The following ZNF8 variants were observed in gnomAD, a reference collection of about 807,000 sequenced individuals.
ZNF8 encodes zinc finger protein 8, also known as zinc finger protein 272.
A neutral mutation model predicts 12.2 loss-of-function variants in ZNF8; 9 were observed. The observed-to-expected ratio is 0.73, with a 90% CI of 0.44 to 1.28. ZNF8 has a LOEUF of 1.28. Ranked by LOEUF, ZNF8 falls within the 50% of genes most tolerant of loss-of-function variation. The pLI is 0.00. For missense variants in ZNF8, 664 were observed against 729.1 expected (o/e 0.91, Z 1.03); for synonymous variants, 274 against 282.3 (o/e 0.97, Z 0.30).
At chr19:58,287,682 C>T (rs2051392310) in intron 3 of ZNF8, among the ~76,000 whole-genome samples, 1 of 123,638 alleles carries the variant, frequency 8.1e-6, no homozygotes, top group Non-Finnish European at 1.6e-5. Context: ...CACTCCGTTG[C>T]ACAGGCTGGA....
At chr19:58,292,460 A>G (rs2051425560) in intron 3 of ZNF8, among the ~76,000 whole-genome samples, 1 of 152,136 alleles carries the variant, frequency 6.6e-6, no homozygotes, top group South Asian at 2.1e-4. Flanking sequence ...TCATTCTTAA[A>G]GGCCCCACCC....
rs1373504005 is a variant in ZNF8 at position 58,298,089 on chromosome 19, G to C, written c.*2553G>C. ...CTGTCGCCCAGGCTGGAGTGCAATG[G>C]CGTGATCTCGGCTCACTGCAACCTC... On this transcript the variant is annotated 3_prime_UTR_variant, in exon 4 of 4. Transcript: ENST00000621650. The C allele has an allele frequency of 1.3e-5, 2 of 151,732 alleles. No homozygotes were observed. Among genetic ancestry groups the C allele is most frequent in the African/African-American group, 4.8e-5 (2 of 41,238 alleles). 9.4% of individuals were successfully genotyped at this position (151,732 alleles called of 1,614,324 possible).
At position 58,278,973 on chromosome 19, in the gene ZNF8, G is replaced by A. The variant is rs2051319591; in HGVS notation, c.-109G>A. Reference sequence around the variant, plus strand: ...GGGAGTTGTAGTCGCCGCGTCGCCGGTGCGGCCGCCATTGTCCGGCGTTCG... The same window carrying A: ...GGGAGTTGTAGTCGCCGCGTCGCCGATGCGGCCGCCATTGTCCGGCGTTCG... On this transcript the variant is annotated 5_prime_UTR_variant, in exon 1 of 4. In the 5' UTR this introduces an upstream ATG that the reference lacks. Coordinates refer to ENST00000621650, the MANE Select transcript of ZNF8 (RefSeq NM_021089.3). 3 of 1,291,724 alleles carry A rather than the reference G, an allele frequency of 2.3e-6. No individual in the cohort carries two copies. The highest frequency in any genetic ancestry group is 3.0e-6 in the Non-Finnish European group (3 of 995,480). The allele number at this position is 1,291,724 out of a possible 1,614,324, so 80.0% of individuals were successfully genotyped here.
In ZNF8 at chr19:58,295,865, A is replaced by ACGGCGTCCACC; in HGVS notation, c.*329_*330insCGGCGTCCACC. On this transcript the variant is annotated 3_prime_UTR_variant, in exon 4 of 4. Transcript: ENST00000621650. ...CATTAAAATGAAAGTAATTTATGGT[A>ACGGCGTCCACC]GAGTAAATTGTAGAGTAACGTGTAC... is the stretch of plus-strand genomic sequence containing the variant. 3.7e-6 allele frequency: 1 copy of ACGGCGTCCACC among 272,216 alleles called. No homozygotes were observed. 16.9% of individuals were successfully genotyped at this position (272,216 alleles called of 1,614,324 possible). A position where few individuals can be genotyped will look rare whatever the true frequency, so the allele number is the denominator to read the frequency against.
intron 3 of ZNF8, among the ~76,000 whole-genome samples, chr19:58,288,886 G>A (rs453737): frequency 0.58 from 88,671 of 151,924 alleles, 26,264 homozygotes; most frequent in Middle Eastern, 0.69. Flanking sequence ...CTTCAGACAT[G>A]TATGTCGGAA....
intron 1 of ZNF8, among the ~76,000 whole-genome samples, chr19:58,281,326 G>A (rs2051349488): frequency 6.6e-6 from 1 of 152,162 alleles, no homozygotes; most frequent in Non-Finnish European, 1.5e-5. Context: ...AAAAGAATAT[G>A]TAAAGGAGAA....
Position 58,295,715 on chromosome 19 carries a change from C to T in ZNF8, c.*179C>T, listed in dbSNP as rs989853283. The T allele has an allele frequency of 6.9e-6, 4 of 581,270 alleles. No homozygotes were observed. The highest frequency in any genetic ancestry group is 3.7e-5 in the African/African-American group (2 of 53,658). 36.0% of individuals were successfully genotyped at this position (581,270 alleles called of 1,614,324 possible). On this transcript the variant is annotated 3_prime_UTR_variant, in exon 4 of 4. Coordinates refer to ENST00000621650, the MANE Select transcript of ZNF8 (RefSeq NM_021089.3). ...GGTCCCAAATCTATCAAACTCAGTG[C>T]CCTCTTTAGCGACATATTTTGTGAC... is the stretch of plus-strand genomic sequence containing the variant.
intron 1 of ZNF8, among the ~76,000 whole-genome samples, chr19:58,285,064 CAT>C (rs1007447767): frequency 4.6e-5 from 7 of 152,098 alleles, no homozygotes; most frequent in Non-Finnish European, 1.0e-4. Flanking sequence ...CCACTTCTGT[CAT>C]GTGAGCCTGC....
Position 58,295,050 on chromosome 19 carries a change from G to A in ZNF8, c.1242G>A (p.Gln414=). The change falls in exon 4 of 4, where the codon CAG becomes CAA. Residue 414 remains glutamine, a synonymous_variant. Coordinates refer to ENST00000621650, the MANE Select transcript of ZNF8 (RefSeq NM_021089.3). ...KGFRHSSSLA[Q]HQRKHAGEKP... Reference sequence around the variant, plus strand: ...TCAGGCACAGCTCATCCCTGGCCCAGCACCAGCGGAAGCACGCGGGGGAGA... The same window carrying A: ...TCAGGCACAGCTCATCCCTGGCCCAACACCAGCGGAAGCACGCGGGGGAGA... The A allele has an allele frequency of 6.2e-7, 1 of 1,614,066 alleles. No individual in the cohort carries two copies. The highest frequency in any genetic ancestry group is 8.5e-7 in the Non-Finnish European group (1 of 1,179,984).
At position 58,295,607 on chromosome 19, in the gene ZNF8, A is replaced by C; in HGVS notation, c.*71A>C. ...GTAAGTCCACATAGTGTACTCATGG[A>C]AGGAGGGGCTGGGGGTAGAAATGTC... On this transcript the variant is annotated 3_prime_UTR_variant, in exon 4 of 4. Coordinates refer to ENST00000621650, the MANE Select transcript of ZNF8 (RefSeq NM_021089.3). The C allele has an allele frequency of 7.9e-7, 1 of 1,269,088 alleles. No individual in the cohort carries two copies. Among genetic ancestry groups the C allele is most frequent in the Non-Finnish European group, 1.1e-6 (1 of 912,988 alleles). The allele number at this position is 1,269,088 out of a possible 1,614,324, so 78.6% of individuals were successfully genotyped here. A position where few individuals can be genotyped will look rare whatever the true frequency, so the allele number is the denominator to read the frequency against.
chr19:58,292,136 G>T (rs528516336), intron 3 of ZNF8, among the ~76,000 whole-genome samples: 8 of 152,316 alleles, frequency 5.3e-5, no homozygotes, highest in African/African-American at 1.7e-4. Flanking sequence ...CTATTAAAAT[G>T]TACCACTCAG....
At chr19:58,281,289 G>A (rs1234494417) in intron 1 of ZNF8, among the ~76,000 whole-genome samples, 1 of 152,186 alleles carries the variant, frequency 6.6e-6, no homozygotes, top group Non-Finnish European at 1.5e-5. Context: ...TAGGCCCAGT[G>A]ACCAGGTGTT....
At chr19:58,284,135 A>G (rs1317859980) in intron 1 of ZNF8, among the ~76,000 whole-genome samples, 1 of 152,064 alleles carries the variant, frequency 6.6e-6, no homozygotes. Flanking sequence ...GAGCCAGGAG[A>G]ATCAACTGAA....
Position 58,297,674 on chromosome 19 carries a change from C to G in ZNF8, c.*2138C>G, listed in dbSNP as rs924834577. ...GTGTTGAGATTATAGGCATGAGCCA[C>G]TGTGCCCAGCCACTTATTTTTCTGA... On this transcript the variant is annotated 3_prime_UTR_variant, in exon 4 of 4. Transcript: ENST00000621650. 2.6e-5 allele frequency: 4 copies of G among 152,202 alleles called. No homozygotes were observed. Among genetic ancestry groups the G allele is most frequent in the African/African-American group, 9.7e-5 (4 of 41,434 alleles). 9.4% of individuals were successfully genotyped at this position (152,202 alleles called of 1,614,324 possible).
chr19:58,290,266 G>T lies in ZNF8; in HGVS notation c.290-3832G>T, dbSNP rs181797014. 8.3e-3 allele frequency among the ~76,000 whole-genome samples: 1,233 copies of T among 149,226 alleles called. 14 individuals are homozygous for T. Among genetic ancestry groups the T allele is most frequent in the African/African-American group, 0.029 (1,171 of 40,564 alleles). ...GCTGGGACTACAGGTGCCCGCCACT[G>T]CACCCGGCTAATTTTTTTTTTGTAT... is the stretch of plus-strand genomic sequence containing the variant. On this transcript the variant is annotated intron_variant, in intron 3 of 3. Transcript: ENST00000621650.
chr19:58,288,350 G>T (rs957155904), intron 3 of ZNF8, among the ~76,000 whole-genome samples: 2 of 152,188 alleles, frequency 1.3e-5, no homozygotes, highest in East Asian at 3.8e-4. Context: ...AGGGCTGATT[G>T]TTCTGTGATT....
Position 58,294,876 on chromosome 19 carries a change from G to C in ZNF8, c.1068G>C (p.Leu356=), listed in dbSNP as rs780509175. 1.2e-6 allele frequency: 2 copies of C among 1,613,866 alleles called. No homozygotes were observed. The highest frequency in any genetic ancestry group is 2.7e-5 in the African/African-American group (2 of 74,852). The change falls in exon 4 of 4, where the codon CTG becomes CTC. Residue 356 remains leucine, a synonymous_variant. Coordinates refer to ENST00000621650, the MANE Select transcript of ZNF8 (RefSeq NM_021089.3). The surrounding 1 kb of genome is among the most constrained non-coding windows in gnomAD (Gnocchi z 5.5). ...GGGCCTTCAACCAGAACTCCTCCCTGGGGCGGCACAAGAGGACACACACTG... is the reference window on the plus strand; with the variant it reads ...GGGCCTTCAACCAGAACTCCTCCCTCGGGCGGCACAAGAGGACACACACTG... ...CGRAFNQNSS[L]GRHKRTHTGE...
intron 1 of ZNF8, 124 bp from the exon 2 acceptor site, chr19:58,285,593 A>G (rs2051377992): frequency 4.3e-6 from 6 of 1,392,334 alleles, no homozygotes; most frequent in Non-Finnish European, 5.1e-6. Flanking sequence ...CCTGACTCCC[A>G]TCATTCATAA....
Position 58,295,116 on chromosome 19 carries a change from G to A in ZNF8, c.1308G>A (p.Thr436=), listed in dbSNP as rs765735510. Reference sequence around the variant, plus strand: ...GCCAGAGGCTGATCTTTGAGCAGACGCCAGCTCTCACAAAGCATGAATGGA... The same window carrying A: ...GCCAGAGGCTGATCTTTGAGCAGACACCAGCTCTCACAAAGCATGAATGGA... ...ECRQRLIFEQ[T]PALTKHEWTE... is the part of the protein sequence containing the mutation. Residue 436 remains threonine, a synonymous_variant, in exon 4 of 4, where the codon ACG becomes ACA. Transcript: ENST00000621650. 1.9e-6 allele frequency: 3 copies of A among 1,613,930 alleles called. No individual in the cohort carries two copies. The highest frequency in any genetic ancestry group is 2.2e-5 in the South Asian group (2 of 91,082).
Sources: gnomAD v4.1 joint callset for allele counts (sites outside exome capture counted in the v4.1 genomes callset) on GRCh38, gnomAD v4.1.1 for gene constraint, Gnocchi (gnomAD v3.1) non-coding constraint, MANE v1.5 for transcripts, NCBI Gene and HGNC (gene_info 2026-07-23, HGNC 2026-07-21) for gene names.